Variants in DPM3 observed in about 807,000 individuals in gnomAD.
DPM3 encodes the protein dolichyl-phosphate mannosyltransferase subunit 3, regulatory, also known as dolichol-phosphate mannosyltransferase subunit 3.
Under a neutral mutation model 8.9 loss-of-function variants are expected in DPM3, and 7 were observed. The ratio of observed to expected loss-of-function variants is 0.79; its 90% confidence interval spans 0.45 to 1.48. DPM3 has a LOEUF of 1.48. Among genes scored for constraint, DPM3 ranks in the 40% most tolerant of loss-of-function variants. The pLI is 0.01. For synonymous variants in DPM3, 41 were observed against 56.3 expected (o/e 0.73, Z 1.22); for missense variants, 108 against 116.2 (o/e 0.93, Z 0.33).
Position 155,139,909 on chromosome 1 carries a change from C to T in DPM3, c.*53G>A. 1 of 1,543,992 alleles carries T rather than the reference C, an allele frequency of 6.5e-7. No homozygotes were observed. The highest frequency in any genetic ancestry group is 8.7e-7 in the Non-Finnish European group (1 of 1,147,652). ...AACGAAGTTAGAAAATAAACTGGCTCTTTAATGGGAAATGGGAGGAAGGGC... is the reference window on the plus strand; with the variant it reads ...AACGAAGTTAGAAAATAAACTGGCTTTTTAATGGGAAATGGGAGGAAGGGC... On this transcript the variant is annotated 3_prime_UTR_variant, in exon 2 of 2. Coordinates refer to ENST00000368400, the MANE Select transcript of DPM3 (RefSeq NM_153741.2).
In DPM3 at chr1:155,140,494, T is replaced by A. The variant is rs966211544; in HGVS notation, c.-9A>T. The A allele has an allele frequency of 1.5e-6, 1 of 657,792 alleles. No homozygotes were observed. Among genetic ancestry groups the A allele is most frequent in the Non-Finnish European group, 2.8e-6 (1 of 354,894 alleles). 40.7% of individuals were successfully genotyped at this position (657,792 alleles called of 1,614,324 possible). ...TCAGCCTTCAACCTACACTTACCTCTACCCCACGTCTCCCCTTCCCCGCGC... is the reference window on the plus strand; with the variant it reads ...TCAGCCTTCAACCTACACTTACCTCAACCCCACGTCTCCCCTTCCCCGCGC... On this transcript the variant is annotated 5_prime_UTR_variant, in exon 1 of 2. Coordinates refer to ENST00000368400, the MANE Select transcript of DPM3 (RefSeq NM_153741.2).
rs1557794749 is a variant in DPM3 at position 155,139,990 on chromosome 1, T to C, written c.251A>G (p.Asp84Gly). The change falls in exon 2 of 2, where the codon GAC (aspartate) becomes GGC (glycine). Residue 84 changes from aspartate to glycine, a missense_variant. By Grantham distance (94) the Asp-to-Gly change is moderately conservative. Coordinates refer to ENST00000368400, the MANE Select transcript of DPM3 (RefSeq NM_153741.2). ...GAAGCGCAGCCCCCTGCGGGCTAAGTCGGCTCGGGCCTCCTGTATCTGGCT... is the reference window on the plus strand; with the variant it reads ...GAAGCGCAGCCCCCTGCGGGCTAAGCCGGCTCGGGCCTCCTGTATCTGGCT... ...LQSQIQEARADLARRGLRF is the reference protein window; with the variant it reads ...LQSQIQEARAGLARRGLRF 1.2e-6 allele frequency: 2 copies of C among 1,613,166 alleles called. No individual in the cohort carries two copies. Among genetic ancestry groups the C allele is most frequent in the Non-Finnish European group, 1.7e-6 (2 of 1,179,560 alleles).
Position 155,140,244 on chromosome 1 carries a change from C to G in DPM3, c.-4G>C. On this transcript the variant is annotated splice_region_variant and 5_prime_UTR_variant, in exon 2 of 2. Coordinates refer to ENST00000368400, the MANE Select transcript of DPM3 (RefSeq NM_153741.2). ...GCCACTGCGCTAATTTCGTCATGGT[C>G]ACTGCGAGAGAAGGAAGCAATGCTC... The G allele has an allele frequency of 6.2e-7, 1 of 1,613,978 alleles. No individual in the cohort carries two copies. Among genetic ancestry groups the G allele is most frequent in the Non-Finnish European group, 8.5e-7 (1 of 1,179,994 alleles).
rs1055439022 is a variant in DPM3 at position 155,140,065 on chromosome 1, T to G, written c.176A>C (p.Tyr59Ser). 6.2e-7 allele frequency: 1 copy of G among 1,614,060 alleles called. No homozygotes were observed. Among genetic ancestry groups the G allele is most frequent in the Middle Eastern group, 1.7e-4 (1 of 6,060 alleles). The change falls in exon 2 of 2, where the codon TAT (tyrosine) becomes TCT (serine). Residue 59 changes from tyrosine (Y) to serine (S), a missense_variant. Coordinates refer to ENST00000368400, the MANE Select transcript of DPM3 (RefSeq NM_153741.2). ...GCAGTCATGAAAAGTGGCCACACGA[T>G]AGCCCACAGTGCCCAGGGCATAGCA... ...AGCYALGTVG[Y>S]RVATFHDCED...
intron 1 of DPM3, 104 bp downstream of exon 1, chr1:155,140,387 C>T: frequency 3.5e-6 from 3 of 868,838 alleles, no homozygotes; most frequent in Non-Finnish European, 5.7e-6. Context: ...AACTTGAGTG[C>T]CCACAAAAGG....
At position 155,140,117 on chromosome 1, in the gene DPM3, G is replaced by A. The variant is rs745692004; in HGVS notation, c.124C>T (p.Pro42Ser). 2.2e-5 allele frequency: 36 copies of A among 1,614,026 alleles called. No individual in the cohort carries two copies. The highest frequency in any genetic ancestry group is 3.1e-5 in the Non-Finnish European group (36 of 1,180,060). The change falls in exon 2 of 2, where the codon CCC becomes TCC. Residue 42 changes from proline to serine, a missense_variant. Transcript: ENST00000368400. ...LSCQEVLWPL[P>S]AYLLVSAGCY... ...CCGGCGGACACCAGCAAGTAGGCGGGCAGTGGCCACAGGACTTCCTGGCAG... is the reference window on the plus strand; with the variant it reads ...CCGGCGGACACCAGCAAGTAGGCGGACAGTGGCCACAGGACTTCCTGGCAG...
In DPM3 at chr1:155,140,197, C is replaced by G. The variant is rs372215837; in HGVS notation, c.44G>C (p.Gly15Ala). Residue 15 changes from glycine to alanine, a missense_variant, in exon 2 of 2, where the codon GGC becomes GCC. Coordinates refer to ENST00000368400, the MANE Select transcript of DPM3 (RefSeq NM_153741.2). ...CGTGGTCAGGGCCACCCAGGTGGAG[C>G]CCAGGATCGCTAGTCCCCAAAGCCA... ...AQWLWGLAILGSTWVALTTGA... is the reference protein window; with the variant it reads ...AQWLWGLAILASTWVALTTGA... The G allele has an allele frequency of 1.9e-6, 3 of 1,614,148 alleles. No individual in the cohort carries two copies. In the South Asian group the frequency reaches 3.3e-5, roughly 18 times the overall value.
chr1:155,140,379 C>G (rs772491588), intron 1 of DPM3, 112 bp downstream of exon 1: 13 of 918,508 alleles, frequency 1.4e-5, no homozygotes. Flanking sequence ...GAGGTCCGAA[C>G]TTGAGTGCCC....
Position 155,140,483 on chromosome 1 carries a change from A to T in DPM3, c.-6+8T>A. 1 of 684,976 alleles carries T rather than the reference A, an allele frequency of 1.5e-6. No homozygotes were observed. The highest frequency in any genetic ancestry group is 2.7e-5 in the East Asian group (1 of 36,892). 42.4% of individuals were successfully genotyped at this position (684,976 alleles called of 1,614,324 possible). ...GCCCTCCCCATTCAGCCTTCAACCTACACTTACCTCTACCCCACGTCTCCC... is the reference window on the plus strand; with the variant it reads ...GCCCTCCCCATTCAGCCTTCAACCTTCACTTACCTCTACCCCACGTCTCCC... On this transcript the variant is annotated splice_region_variant and intron_variant, in intron 1 of 1. Coordinates refer to ENST00000368400, the MANE Select transcript of DPM3 (RefSeq NM_153741.2).
Position 155,139,959 on chromosome 1 carries a change from CTGTCAGA to C in DPM3, c.275_*2del, listed in dbSNP as rs1467174884. 6.2e-7 allele frequency: 1 copy of C among 1,607,334 alleles called. No homozygotes were observed. The highest frequency in any genetic ancestry group is 1.3e-5 in the African/African-American group (1 of 74,844). On this transcript the variant is annotated stop_lost and 3_prime_UTR_variant, in exon 2 of 2. Coordinates refer to ENST00000368400, the MANE Select transcript of DPM3 (RefSeq NM_153741.2). ...CTGTCCGCACAGGAATGGGGTTAGG[CTGTCAGA>C]AGCGCAGCCCCCTGCGGGCTAAGTC...
Position 155,140,212 on chromosome 1 carries a change from C to G in DPM3, c.29G>C (p.Gly10Ala). The change falls in exon 2 of 2, where the codon GGA becomes GCA. Residue 10 changes from glycine to alanine, a missense_variant. Physicochemically the swap from Gly to Ala is moderately conservative, Grantham distance 60. Transcript: ENST00000368400. ...CCAGGTGGAGCCCAGGATCGCTAGT[C>G]CCCAAAGCCACTGCGCTAATTTCGT... MTKLAQWLW[G>A]LAILGSTWVA... 1.9e-6 allele frequency: 3 copies of G among 1,614,160 alleles called. No homozygotes were observed. Among genetic ancestry groups the G allele is most frequent in the Middle Eastern group, 1.6e-4 (1 of 6,062 alleles).
Position 155,139,999 on chromosome 1 carries a change from G to A in DPM3, c.242C>T (p.Ala81Val). ...CCCCCTGCGGGCTAAGTCGGCTCGG[G>A]CCTCCTGTATCTGGCTCTGCAGCTC... ...ARELQSQIQE[A>V]RADLARRGLR... The change falls in exon 2 of 2, where the codon GCC becomes GTC. Residue 81 changes from alanine (A) to valine (V), a missense_variant. By Grantham distance (64) the Ala-to-Val change is moderately conservative. Coordinates refer to ENST00000368400, the MANE Select transcript of DPM3 (RefSeq NM_153741.2). 6.2e-7 allele frequency: 1 copy of A among 1,613,572 alleles called. No individual in the cohort carries two copies. The highest frequency in any genetic ancestry group is 8.5e-7 in the Non-Finnish European group (1 of 1,179,818).
chr1:155,140,375 C>T (rs1042203219), intron 1 of DPM3, 116 bp downstream of exon 1: 1 of 971,826 alleles, frequency 1.0e-6, no homozygotes, highest in African/African-American at 1.6e-5. Context: ...CCCAGAGGTC[C>T]GAACTTGAGT....
Position 155,140,118 on chromosome 1 carries a change from C to T in DPM3, c.123G>A (p.Leu41=), listed in dbSNP as rs1664700327. The T allele has an allele frequency of 1.9e-6, 3 of 1,613,752 alleles. No individual in the cohort carries two copies. Among genetic ancestry groups the T allele is most frequent in the Non-Finnish European group, 2.5e-6 (3 of 1,180,034 alleles). ...CGGCGGACACCAGCAAGTAGGCGGG[C>T]AGTGGCCACAGGACTTCCTGGCAGG... is the stretch of plus-strand genomic sequence containing the variant. ...PLSCQEVLWP[L]PAYLLVSAGC... is the part of the protein sequence containing the mutation. The change falls in exon 2 of 2, where the codon CTG becomes CTA. Residue 41 remains leucine, a synonymous_variant. Transcript: ENST00000368400.
rs776185360 is a variant in DPM3, at chr1:155,140,278, A to C, written c.-5-33T>G. ...AGAAGGAAGCAATGCTCCCCTGAGG[A>C]GCAGAAAGGAAAAGCGGACCAAACT... On this transcript the variant is annotated intron_variant, in intron 1 of 1. Coordinates refer to ENST00000368400, the MANE Select transcript of DPM3 (RefSeq NM_153741.2). 7 of 1,610,030 alleles carry C rather than the reference A, an allele frequency of 4.3e-6. No homozygotes were observed. In the Admixed American group the frequency reaches 1.2e-4, roughly 27 times the overall value.
chr1:155,140,481 C>G lies in DPM3; in HGVS notation c.-6+10G>C. 1 of 685,312 alleles carries G rather than the reference C, an allele frequency of 1.5e-6. No individual in the cohort carries two copies. The allele number at this position is 685,312 out of a possible 1,614,324, so 42.5% of individuals were successfully genotyped here. On this transcript the variant is annotated intron_variant, in intron 1 of 1. Transcript: ENST00000368400. ...TCGCCCTCCCCATTCAGCCTTCAAC[C>G]TACACTTACCTCTACCCCACGTCTC...
Position 155,140,011 on chromosome 1 carries a change from T to C in DPM3, c.230A>G (p.Gln77Arg). ...TAAGTCGGCTCGGGCCTCCTGTATC[T>C]GGCTCTGCAGCTCGCGTGCGGCGTC... ...CEDAARELQS[Q>R]IQEARADLAR... The change falls in exon 2 of 2, where the codon CAG becomes CGG. Residue 77 changes from glutamine (Q) to arginine (R), a missense_variant. Transcript: ENST00000368400. 1.2e-6 allele frequency: 2 copies of C among 1,613,928 alleles called. No individual in the cohort carries two copies. The highest frequency in any genetic ancestry group is 1.7e-6 in the Non-Finnish European group (2 of 1,179,988).
In DPM3 at chr1:155,140,198, C is replaced by T. The variant is rs756905777; in HGVS notation, c.43G>A (p.Gly15Ser). Residue 15 changes from glycine to serine, a missense_variant, in exon 2 of 2, where the codon GGC becomes AGC. By Grantham distance (56) the Gly-to-Ser change is moderately conservative (BLOSUM62 0). Transcript: ENST00000368400. ...GTGGTCAGGGCCACCCAGGTGGAGC[C>T]CAGGATCGCTAGTCCCCAAAGCCAC... is the stretch of plus-strand genomic sequence containing the variant. ...AQWLWGLAIL[G>S]STWVALTTGA... 1 of 1,614,164 alleles carries T rather than the reference C, an allele frequency of 6.2e-7. No individual in the cohort carries two copies. The highest frequency in any genetic ancestry group is 8.5e-7 in the Non-Finnish European group (1 of 1,180,044).
chr1:155,140,220 C>T lies in DPM3; in HGVS notation c.21G>A (p.Trp7Ter), dbSNP rs1444066075. ...AGCCCAGGATCGCTAGTCCCCAAAG[C>T]CACTGCGCTAATTTCGTCATGGTCA... The part of the protein sequence containing the change: MTKLAQ[W>*]LWGLAILGST... The change falls in exon 2 of 2, where the codon TGG becomes TGA. Residue 7 changes from tryptophan to a stop codon, truncating the protein, a stop_gained. Coordinates refer to ENST00000368400, the MANE Select transcript of DPM3 (RefSeq NM_153741.2). LOFTEE classifies it high-confidence loss of function. The T allele has an allele frequency of 6.2e-7, 1 of 1,614,116 alleles. No individual in the cohort carries two copies.
Sources: allele counts gnomAD v4.1 joint callset, GRCh38; gene constraint gnomAD v4.1.1; transcripts MANE v1.5; gene names NCBI Gene and HGNC (gene_info 2026-07-23, HGNC 2026-07-21).